The following ACMSD variants were observed in gnomAD, a reference collection of about 807,000 sequenced individuals.
ACMSD encodes 2-amino-3-carboxymuconate-6-semialdehyde decarboxylase.
In ACMSD, 37 loss-of-function variants were observed where a neutral mutation model predicts 45.9. The ratio of observed to expected loss-of-function variants is 0.81; its 90% confidence interval spans 0.62 to 1.06. The LOEUF (loss-of-function observed/expected upper bound fraction) is 1.06, where lower values mean the gene tolerates loss of function less well. Ranked by LOEUF, ACMSD falls within the 50% of genes least tolerant of loss-of-function variation. ACMSD has a pLI of 0.00. For synonymous variants in ACMSD, 138 were observed against 148.8 expected (o/e 0.93, Z 0.53); for missense variants, 434 against 420.9 (o/e 1.03, Z -0.27).
At chr2:134,889,947 A>G (rs1320055600) in intron 8 of ACMSD, among the ~76,000 whole-genome samples, 1 of 152,144 alleles carries the variant, frequency 6.6e-6, no homozygotes, top group Admixed American at 6.5e-5. Flanking sequence ...GTGAACATAT[A>G]TATTTAATTT....
chr2:134,866,085 T>C (rs1025272773), intron 5 of ACMSD, among the ~76,000 whole-genome samples: 10 of 151,988 alleles, frequency 6.6e-5, no homozygotes, highest in African/African-American at 1.9e-4. Flanking sequence ...ACCCCACATA[T>C]AGAAGGAGAT....
Position 134,901,879 on chromosome 2 carries a change from C to A in ACMSD, c.*19C>A. 1.9e-6 allele frequency: 3 copies of A among 1,567,478 alleles called. No homozygotes were observed. Among genetic ancestry groups the A allele is most frequent in the Non-Finnish European group, 2.6e-6 (3 of 1,149,984 alleles). The stretch of plus-strand genomic sequence containing the variant: ...TGAATGACTGAATTTACTACAAAGG[C>A]AAACTTTCAAAAGGATATCTCATTT... On this transcript the variant is annotated 3_prime_UTR_variant, in exon 10 of 10. Transcript: ENST00000356140.
intron 1 of ACMSD, among the ~76,000 whole-genome samples, chr2:134,840,183 A>AAAAAAAAAC (rs1686728921): frequency 2.1e-5 from 3 of 144,024 alleles, no homozygotes; most frequent in African/African-American, 5.3e-5. Context: ...AAAAAAAAAA[A>AAAAAAAAAC]AAAAAAAAAA....
At chr2:134,895,316 A>AAAATATATATGTTACATATATAAT (rs1559071275) in intron 8 of ACMSD, among the ~76,000 whole-genome samples, 5 of 49,208 alleles carry the variant, frequency 1.0e-4, no homozygotes, top group South Asian at 1.1e-3. Context: ...AAAGAAAAAA[A>AAAATATATATGTTACATATATAAT]ATATATATAT....
chr2:134,864,365 T>A (rs1327815803), intron 5 of ACMSD, among the ~76,000 whole-genome samples: 1 of 151,962 alleles, frequency 6.6e-6, no homozygotes, highest in Admixed American at 6.6e-5. Context: ...CAGAAAAGTA[T>A]AAAGATGATA....
At chr2:134,860,134 G>A (rs929201740) in intron 3 of ACMSD, among the ~76,000 whole-genome samples, 2 of 152,256 alleles carry the variant, frequency 1.3e-5, no homozygotes, top group East Asian at 1.9e-4. Context: ...ATGCTGGCGC[G>A]TGCCTGTAAT....
chr2:134,883,049 G>A (rs1330744007), intron 8 of ACMSD, among the ~76,000 whole-genome samples: 1 of 152,206 alleles, frequency 6.6e-6, no homozygotes, highest in Non-Finnish European at 1.5e-5. Flanking sequence ...AGGAAAGCCA[G>A]CACCTGTCCA....
intron 2 of ACMSD, among the ~76,000 whole-genome samples, chr2:134,858,152 T>C (rs1687667620): frequency 6.6e-6 from 1 of 152,080 alleles, no homozygotes. Flanking sequence ...AGTGGATGAA[T>C]GGATAAAGAA....
In ACMSD at chr2:134,862,387, A is replaced by C. The variant is rs1030906474; in HGVS notation, c.249+369A>C. Among the ~76,000 whole-genome samples, 14 of 152,282 alleles carry C rather than the reference A, an allele frequency of 9.2e-5. 1 individual carries two copies. The highest frequency in any genetic ancestry group is 3.9e-4 in the Admixed American group (6 of 15,306). On this transcript the variant is annotated intron_variant, in intron 4 of 9. Transcript: ENST00000356140. ...AGAATGATTTTGAGGTAGGAATAATAATCATGACCTAATATATCACCTCTC... is the reference window on the plus strand; with the variant it reads ...AGAATGATTTTGAGGTAGGAATAATCATCATGACCTAATATATCACCTCTC...
rs1052512484 is a variant in ACMSD at position 134,845,218 on chromosome 2, T to C, written c.58-15T>C. On this transcript the variant is annotated splice_polypyrimidine_tract_variant and intron_variant, in intron 1 of 9. Transcript: ENST00000356140. ...CTTTGCTCTTTGACTCTAACTGTGC[T>C]TCTCCCCACTGCAGAGGTTTGGCTA... 1 of 1,614,112 alleles carries C rather than the reference T, an allele frequency of 6.2e-7. No homozygotes were observed. The highest frequency in any genetic ancestry group is 8.5e-7 in the Non-Finnish European group (1 of 1,179,990).
intron 2 of ACMSD, among the ~76,000 whole-genome samples, chr2:134,857,445 G>GAAAT (rs34364163): frequency 1.3e-5 from 2 of 152,030 alleles, no homozygotes; most frequent in Admixed American, 6.6e-5. Flanking sequence ...TCTATCTCGA[G>GAAAT]AAATAAATAA....
chr2:134,863,680 C>A, intron 5 of ACMSD, 49 bp downstream of exon 5: 1 of 1,583,186 alleles, frequency 6.3e-7, no homozygotes, highest in South Asian at 1.1e-5. Context: ...GTGCCTGGGC[C>A]GGGGGCACCG....
At chr2:134,848,349 C>T (rs905931010) in intron 2 of ACMSD, among the ~76,000 whole-genome samples, 6 of 152,292 alleles carry the variant, frequency 3.9e-5, no homozygotes, top group East Asian at 1.9e-4. Flanking sequence ...CTTGAGGAAT[C>T]GCCACACTGT....
rs139411234 is a variant in ACMSD, at chr2:134,847,914, C to T, written c.102+2637C>T. Among the ~76,000 whole-genome samples, 188 of 151,026 alleles carry T rather than the reference C, an allele frequency of 1.2e-3. 5 individuals are homozygous for T. In the Middle Eastern group the frequency reaches 0.037, roughly 30 times the overall value. Reference sequence around the variant, plus strand: ...TCACACAGGCTGGAGTGCAATGGCACAATCCTGGCTCACCGCAACCTCTGC... The same window carrying T: ...TCACACAGGCTGGAGTGCAATGGCATAATCCTGGCTCACCGCAACCTCTGC... On this transcript the variant is annotated intron_variant, in intron 2 of 9. Transcript: ENST00000356140.
At chr2:134,865,965 A>C (rs1427707379) in intron 5 of ACMSD, among the ~76,000 whole-genome samples, 1 of 152,232 alleles carries the variant, frequency 6.6e-6, no homozygotes, top group East Asian at 1.9e-4. Context: ...ACAAAAAATT[A>C]AACTAGTTAA....
intron 2 of ACMSD, among the ~76,000 whole-genome samples, chr2:134,845,554 T>TCTCTCTCTCC (rs1687016977): frequency 2.5e-5 from 3 of 119,626 alleles, no homozygotes; most frequent in African/African-American, 3.5e-5. Context: ...TCTCTCTCTC[T>TCTCTCTCTCC]CCCCTCTCCC....
At chr2:134,855,956 C>CA (rs1687560665) in intron 2 of ACMSD, among the ~76,000 whole-genome samples, 1 of 152,140 alleles carries the variant, frequency 6.6e-6, no homozygotes, top group Non-Finnish European at 1.5e-5. Context: ...ATTGCACACC[C>CA]ACTTGGACAT....
At chr2:134,889,361 C>G (rs908279565) in intron 8 of ACMSD, among the ~76,000 whole-genome samples, 1 of 152,038 alleles carries the variant, frequency 6.6e-6, no homozygotes, top group Non-Finnish European at 1.5e-5. Context: ...CATTTTCCAT[C>G]AAAGGAAGCT....
At chr2:134,900,273 G>A (rs1249370539) in intron 9 of ACMSD, among the ~76,000 whole-genome samples, 1 of 152,016 alleles carries the variant, frequency 6.6e-6, no homozygotes, top group Non-Finnish European at 1.5e-5. Context: ...TGAGTAGCAT[G>A]GTGTAAGCTT....
Sources: allele counts gnomAD v4.1 joint callset (sites outside exome capture counted in the v4.1 genomes callset), GRCh38; gene constraint gnomAD v4.1.1; transcripts MANE v1.5; gene names NCBI Gene and HGNC (gene_info 2026-07-23, HGNC 2026-07-21).